Variants in RIT2 observed in about 807,000 individuals in gnomAD.
The protein encoded by RIT2 is Ras like without CAAX 2.
Under a neutral mutation model 23.7 loss-of-function variants are expected in RIT2, and 24 were observed. That is an observed-to-expected ratio of 1.01 (90% CI 0.73 to 1.43). The LOEUF is 1.43. RIT2 is among the 40% of genes most tolerant of loss of function. The pLI, the probability that RIT2 is intolerant of heterozygous loss-of-function variation, is 0.00. For missense variants in RIT2, 236 were observed against 266.9 expected (o/e 0.88, Z 0.81); for synonymous variants, 107 against 91.1 (o/e 1.17, Z -0.99).
At chr18:42,906,712 T>C (rs546840968) in intron 4 of RIT2, among the ~76,000 whole-genome samples, 2 of 152,240 alleles carry the variant, frequency 1.3e-5, no homozygotes, top group Non-Finnish European at 2.9e-5. Flanking sequence ...ACATCATTAA[T>C]TGCCATTTAT....
intron 2 of RIT2, among the ~76,000 whole-genome samples, chr18:42,987,864 G>GA (rs1910748157): frequency 6.6e-6 from 1 of 152,014 alleles, no homozygotes; most frequent in African/African-American, 2.4e-5. Context: ...AAGAGAGAGG[G>GA]AAAAAGAGGG....
At chr18:43,024,771 G>A (rs997077175) in intron 2 of RIT2, among the ~76,000 whole-genome samples, 1 of 149,998 alleles carries the variant, frequency 6.7e-6, no homozygotes, top group Non-Finnish European at 1.5e-5. Context: ...AGTGGGCAAA[G>A]AACATAAAAA....
At chr18:42,764,563 C>G (rs150895018) in intron 4 of RIT2, among the ~76,000 whole-genome samples, 122 of 152,304 alleles carry the variant, frequency 8.0e-4, no homozygotes, top group Middle Eastern at 3.4e-3. Flanking sequence ...TTGAAGTGAG[C>G]CATTATCTTT....
intron 4 of RIT2, among the ~76,000 whole-genome samples, chr18:42,802,196 T>C (rs1410021044): frequency 6.6e-6 from 1 of 152,182 alleles, no homozygotes; most frequent in Non-Finnish European, 1.5e-5. Context: ...GGATAAACGT[T>C]AAGTCTTCTA....
At chr18:43,025,886 C>A (rs541223883) in intron 2 of RIT2, among the ~76,000 whole-genome samples, 4 of 152,046 alleles carry the variant, frequency 2.6e-5, no homozygotes, top group South Asian at 2.1e-4. Flanking sequence ...AGACAAGGTA[C>A]AATATTCAGG....
chr18:43,110,822 C>T (rs1313969464), intron 1 of RIT2, among the ~76,000 whole-genome samples: 1 of 151,894 alleles, frequency 6.6e-6, no homozygotes, highest in Non-Finnish European at 1.5e-5. Context: ...AAGTAGTTTT[C>T]TCGTCATGAG....
chr18:42,771,404 C>G (rs1913548528), intron 4 of RIT2, among the ~76,000 whole-genome samples: 1 of 152,096 alleles, frequency 6.6e-6, no homozygotes, highest in Non-Finnish European at 1.5e-5. Flanking sequence ...AGGAAGTATA[C>G]AGTAATAGTT....
chr18:42,863,923 C>T (rs1446519331), intron 4 of RIT2, among the ~76,000 whole-genome samples: 1 of 151,868 alleles, frequency 6.6e-6, no homozygotes, highest in Non-Finnish European at 1.5e-5. Flanking sequence ...TGAAGCCAAA[C>T]TAATTGCATC....
intron 4 of RIT2, among the ~76,000 whole-genome samples, chr18:42,755,212 T>G (rs1288331350): frequency 2.0e-5 from 3 of 152,216 alleles, no homozygotes; most frequent in Non-Finnish European, 4.4e-5. Flanking sequence ...GTCCTGTTTA[T>G]AATTTTTTCT....
At chr18:42,971,890 GT>G (rs1053870119) in intron 3 of RIT2, among the ~76,000 whole-genome samples, 1 of 152,028 alleles carries the variant, frequency 6.6e-6, no homozygotes, top group Non-Finnish European at 1.5e-5. Context: ...ACATAGTCAA[GT>G]CTACATCAAT....
At chr18:42,884,534 C>T (rs917877749) in intron 4 of RIT2, among the ~76,000 whole-genome samples, 3 of 152,130 alleles carry the variant, frequency 2.0e-5, no homozygotes, top group Non-Finnish European at 4.4e-5. Context: ...TCCAGAGATG[C>T]CAGATAATTC....
At chr18:42,828,751 C>G (rs1439675650) in intron 4 of RIT2, among the ~76,000 whole-genome samples, 1 of 152,172 alleles carries the variant, frequency 6.6e-6, no homozygotes, top group Non-Finnish European at 1.5e-5. Flanking sequence ...ATATTCTATT[C>G]TCACATTGGA....
At chr18:42,839,619 C>T (rs981804695) in intron 4 of RIT2, among the ~76,000 whole-genome samples, 4 of 151,978 alleles carry the variant, frequency 2.6e-5, no homozygotes, top group African/African-American at 9.7e-5. Context: ...TTAAGTGCTC[C>T]TAGGAGGCTA....
At chr18:42,878,191 G>C (rs957155233) in intron 4 of RIT2, among the ~76,000 whole-genome samples, 4 of 151,252 alleles carry the variant, frequency 2.6e-5, no homozygotes, top group African/African-American at 9.7e-5. Flanking sequence ...TGGAAAATCT[G>C]TGTATAACTT....
chr18:42,941,697 C>T (rs965984270), intron 3 of RIT2, among the ~76,000 whole-genome samples: 1 of 152,004 alleles, frequency 6.6e-6, no homozygotes, highest in Non-Finnish European at 1.5e-5. Context: ...GCTTTAATAT[C>T]TAACATGATA....
chr18:42,932,063 T>G (rs1430032736), intron 3 of RIT2, among the ~76,000 whole-genome samples: 2 of 152,170 alleles, frequency 1.3e-5, no homozygotes, highest in Admixed American at 6.6e-5. Flanking sequence ...GATCTTGTTT[T>G]GCAATAAAAA....
intron 4 of RIT2, among the ~76,000 whole-genome samples, chr18:42,889,594 G>A (rs1356335627): frequency 6.6e-6 from 1 of 152,004 alleles, no homozygotes; most frequent in Non-Finnish European, 1.5e-5. Flanking sequence ...TTTCTAAACT[G>A]AAAAATCAGT....
chr18:42,957,936 G>A (rs1399645560), intron 3 of RIT2, among the ~76,000 whole-genome samples: 1 of 152,158 alleles, frequency 6.6e-6, no homozygotes, highest in African/African-American at 2.4e-5. Context: ...GTATAGCAGA[G>A]TGCAATCTTG....
intron 3 of RIT2, among the ~76,000 whole-genome samples, chr18:42,966,438 A>C (rs1426418249): frequency 6.6e-6 from 1 of 152,168 alleles, no homozygotes; most frequent in Non-Finnish European, 1.5e-5. Flanking sequence ...AAGTATATGT[A>C]TATTTTCTAA....
Sources: allele counts gnomAD v4.1 joint callset (sites outside exome capture counted in the v4.1 genomes callset), GRCh38; gene constraint gnomAD v4.1.1; transcripts MANE v1.5; gene names NCBI Gene and HGNC (gene_info 2026-07-23, HGNC 2026-07-21).